The following LRPPRC variants were observed in gnomAD, a reference collection of about 807,000 sequenced individuals.
LRPPRC encodes leucine rich pentatricopeptide repeat containing.
LRPPRC carries 120 observed loss-of-function variants against 180.3 expected under a neutral mutation model. The observed-to-expected ratio is 0.67, with a 90% CI of 0.57 to 0.77. LRPPRC has a LOEUF of 0.77. Ranked by LOEUF, LRPPRC falls within the 30% of genes least tolerant of loss-of-function variation. The probability of loss-of-function intolerance (pLI) is 0.00; values close to 1 mark genes in which losing one functional copy is unlikely to be tolerated. For missense variants in LRPPRC, 2,012 were observed against 1,657.2 expected, an observed-to-expected ratio of 1.21 and a Z score of -3.72; for synonymous variants, 723 against 600.0, an observed-to-expected ratio of 1.21 and a Z score of -3.00.
At chr2:43,889,568 C>T (rs1022170674) in intron 37 of LRPPRC, among the ~76,000 whole-genome samples, 166 bp downstream of exon 37, 3 of 149,418 alleles carry the variant, frequency 2.0e-5, no homozygotes, top group African/African-American at 7.7e-5. Flanking sequence ...TCTCCGACTG[C>T]CGCAGCCAAG....
chr2:43,925,049 A>G lies in LRPPRC; in HGVS notation c.2896+18T>C. The G allele has an allele frequency of 7.6e-7, 1 of 1,311,792 alleles. No individual in the cohort carries two copies. The allele number at this position is 1,311,792 out of a possible 1,614,324, so 81.3% of individuals were successfully genotyped here. ...CAACAGAATAAATGAAAGCGTGAAG[A>G]ATAGTTAAATCACTTACTATACAGT... On this transcript the variant is annotated intron_variant, in intron 27 of 37. Transcript: ENST00000260665.
At chr2:43,915,424 C>T (rs146662942) in intron 29 of LRPPRC, among the ~76,000 whole-genome samples, 3,114 of 152,220 alleles carry the variant, frequency 0.02, 98 homozygotes, top group African/African-American at 0.07. Flanking sequence ...GTGGCTCACG[C>T]CTGTAATCCC....
chr2:43,926,238 G>A (rs997755818), intron 25 of LRPPRC, among the ~76,000 whole-genome samples: 1 of 152,030 alleles, frequency 6.6e-6, no homozygotes, highest in African/African-American at 2.4e-5. Context: ...AGAAGACGCC[G>A]ATAATTTCCA....
chr2:43,906,540 T>A (rs993177829), intron 30 of LRPPRC, among the ~76,000 whole-genome samples: 1 of 152,194 alleles, frequency 6.6e-6, no homozygotes, highest in Non-Finnish European at 1.5e-5. Flanking sequence ...TGTTTGCGCA[T>A]CTCCTGTGAT....
chr2:43,945,578 T>C (rs1672652122), intron 21 of LRPPRC, among the ~76,000 whole-genome samples, 161 bp from the exon 22 acceptor site: 1 of 152,056 alleles, frequency 6.6e-6, no homozygotes, highest in African/African-American at 2.4e-5. Context: ...ATATACAAGT[T>C]CACACGAAAT....
At chr2:43,928,523 C>T (rs1671969691) in intron 25 of LRPPRC, among the ~76,000 whole-genome samples, 1 of 152,060 alleles carries the variant, frequency 6.6e-6, no homozygotes, top group African/African-American at 2.4e-5. Context: ...CCCGCCCTAG[C>T]CTCATGTCCC....
chr2:43,918,478 T>A (rs1324976103), intron 27 of LRPPRC, 80 bp from the exon 28 acceptor site: 2 of 1,082,020 alleles, frequency 1.8e-6, no homozygotes, highest in Non-Finnish European at 2.8e-6. Context: ...CTTTTTCTTA[T>A]TTGATGTTGA....
chr2:43,893,940 G>A (rs1200386347), intron 36 of LRPPRC, among the ~76,000 whole-genome samples: 1 of 152,126 alleles, frequency 6.6e-6, no homozygotes, highest in African/African-American at 2.4e-5. Context: ...ATGGAGAGGT[G>A]ATCATGATTG....
intron 3 of LRPPRC, among the ~76,000 whole-genome samples, chr2:43,979,485 T>A (rs374613959): frequency 2.0e-5 from 3 of 152,190 alleles, no homozygotes; most frequent in Non-Finnish European, 2.9e-5. Flanking sequence ...ATGAAGAATA[T>A]CCTTTTGCAT....
chr2:43,965,001 C>G (rs1043429684), intron 11 of LRPPRC, among the ~76,000 whole-genome samples: 3 of 152,112 alleles, frequency 2.0e-5, no homozygotes, highest in African/African-American at 7.2e-5. Flanking sequence ...GGCAACATAG[C>G]AAGACCTTGT....
rs563352229 is a variant in LRPPRC, at chr2:43,910,879, T to C, written c.3275+1553A>G. 2.0e-5 allele frequency among the ~76,000 whole-genome samples: 3 copies of C among 152,242 alleles called. No homozygotes were observed. In the East Asian group the frequency reaches 5.8e-4, roughly 29 times the overall value. ...TCAGGAAGCATTTCAGAGGTCTTTG[T>C]GACCAAACTCAAAATCTAATTTTTT... is the stretch of plus-strand genomic sequence containing the variant. On this transcript the variant is annotated intron_variant, in intron 30 of 37. Transcript: ENST00000260665.
intron 23 of LRPPRC, among the ~76,000 whole-genome samples, chr2:43,935,896 T>C (rs1477411813): frequency 6.6e-6 from 1 of 152,140 alleles, no homozygotes; most frequent in Non-Finnish European, 1.5e-5. Flanking sequence ...GCGGATCACC[T>C]GAGGTGGAGA....
chr2:43,918,001 AC>A, intron 29 of LRPPRC, 23 bp downstream of exon 29: 1 of 994,652 alleles, frequency 1.0e-6, no homozygotes, highest in Non-Finnish European at 1.5e-6. Context: ...CCCCACACAC[AC>A]CCCCATCCCC....
intron 35 of LRPPRC, 48 bp downstream of exon 35, chr2:43,896,586 C>G: frequency 8.7e-7 from 1 of 1,155,852 alleles, no homozygotes. Flanking sequence ...TACTTCTGAG[C>G]AAGGCACGTA....
At chr2:43,898,859 G>A (rs541066044) in intron 34 of LRPPRC, among the ~76,000 whole-genome samples, 1 of 152,058 alleles carries the variant, frequency 6.6e-6, no homozygotes, top group Non-Finnish European at 1.5e-5. Context: ...GCGCATTTGA[G>A]AAATTAAAGT....
In LRPPRC at chr2:43,963,628, G is replaced by T; in HGVS notation, c.1448C>A (p.Pro483Gln). 6.2e-7 allele frequency: 1 copy of T among 1,612,218 alleles called. No homozygotes were observed. The highest frequency in any genetic ancestry group is 8.5e-7 in the Non-Finnish European group (1 of 1,178,442). Residue 483 changes from proline (P) to glutamine (Q), a missense_variant, in exon 12 of 38, where the codon CCA becomes CAA. Pro to Gln is a moderately conservative substitution (Grantham distance 76, BLOSUM62 -1). Coordinates refer to ENST00000260665, the MANE Select transcript of LRPPRC (RefSeq NM_133259.4). ...TGCTGAGTTTACACTATCAAAGCAT[G>T]GAATCACATAATCTGTATATGTTTC... ...DQETYTDYVI[P>Q]CFDSVNSARA...
At position 43,959,212 on chromosome 2, in the gene LRPPRC, T is replaced by C. The variant is rs201046318; in HGVS notation, c.1582+1329A>G. 1,507 of 716,442 alleles carry C rather than the reference T, an allele frequency of 2.1e-3. 7 individuals carry two copies. Among genetic ancestry groups the C allele is most frequent in the Non-Finnish European group, 2.6e-3 (1,006 of 384,758 alleles). 44.4% of individuals were successfully genotyped at this position (716,442 alleles called of 1,614,324 possible). On this transcript the variant is annotated intron_variant, in intron 13 of 37. Transcript: ENST00000260665. ...GCTTCTCTGTTTTCTTCTTGTCAGA[T>C]TGGAAAATCTATATAGTATACAGAG...
At chr2:43,993,475 G>C (rs62135150) in intron 1 of LRPPRC, among the ~76,000 whole-genome samples, 10,747 of 152,216 alleles carry the variant, frequency 0.071, 535 homozygotes, top group South Asian at 0.14. Flanking sequence ...TGAATGAAAA[G>C]TGATGAAATT....
chr2:43,897,308 TAAATC>T (rs1558898488), intron 34 of LRPPRC, among the ~76,000 whole-genome samples: 1 of 152,206 alleles, frequency 6.6e-6, no homozygotes, highest in East Asian at 1.9e-4. Flanking sequence ...ACAGACCAGA[TAAATC>T]AAATGTCTAT....
Sources: gnomAD v4.1 joint callset for allele counts (sites outside exome capture counted in the v4.1 genomes callset) on GRCh38, gnomAD v4.1.1 for gene constraint, MANE v1.5 for transcripts, NCBI Gene and HGNC (gene_info 2026-07-23, HGNC 2026-07-21) for gene names.